FUT8: variants seen among roughly 807,000 people sequenced by gnomAD.
FUT8 encodes the protein alpha-(1,6)-fucosyltransferase.
FUT8 carries 29 observed loss-of-function variants against 71.3 expected under a neutral mutation model. The ratio of observed to expected loss-of-function variants is 0.41; its 90% confidence interval spans 0.30 to 0.55. FUT8 has a LOEUF of 0.55. Among genes scored for constraint, FUT8 ranks in the 20% least tolerant of loss-of-function variants. FUT8 has a pLI of 0.34. For synonymous variants in FUT8, 254 were observed against 239.3 expected, an observed-to-expected ratio of 1.06 and a Z score of -0.57; for missense variants, 544 against 702.1, an observed-to-expected ratio of 0.77 and a Z score of 2.55.
At chr14:65,514,710 TA>T (rs1882591136) in intron 2 of FUT8, among the ~76,000 whole-genome samples, 3 of 152,128 alleles carry the variant, frequency 2.0e-5, no homozygotes, top group East Asian at 1.9e-4. Context: ...TTTTTAAATT[TA>T]TTTTTTTATG....
rs114429722 is a variant in FUT8 at position 65,703,779 on chromosome 14, A to G, written c.836-17996A>G. 7.0e-3 allele frequency among the ~76,000 whole-genome samples: 1,063 copies of G among 152,348 alleles called. 12 individuals are homozygous for G. Among genetic ancestry groups the G allele is most frequent in the African/African-American group, 0.023 (949 of 41,582 alleles). On this transcript the variant is annotated intron_variant, in intron 7 of 10. Transcript: ENST00000673929. ...TTAGATTGGTGGAATTTATGATACTAGGGAGATTTGCTGCTCCAGTTCCTG... is the reference window on the plus strand; with the variant it reads ...TTAGATTGGTGGAATTTATGATACTGGGGAGATTTGCTGCTCCAGTTCCTG...
At chr14:65,733,449 T>G in intron 10 of FUT8, 68 bp downstream of exon 10, 1 of 1,194,572 alleles carries the variant, frequency 8.4e-7, no homozygotes, top group Middle Eastern at 2.0e-4. Context: ...GAAAAATTAT[T>G]TGTGTGTCTA....
At chr14:65,612,470 A>G (rs1183118765) in intron 3 of FUT8, among the ~76,000 whole-genome samples, 2 of 152,198 alleles carry the variant, frequency 1.3e-5, no homozygotes, top group Non-Finnish European at 2.9e-5. Context: ...TAATCCTTTT[A>G]GAGAGTTCTT....
chr14:65,729,030 A>G (rs1009432710), intron 9 of FUT8, among the ~76,000 whole-genome samples: 1 of 144,398 alleles, frequency 6.9e-6, no homozygotes, highest in African/African-American at 2.6e-5. Context: ...GTCATTGTAA[A>G]CATGTTTTTT....
intron 3 of FUT8, among the ~76,000 whole-genome samples, chr14:65,615,049 G>A (rs946081557): frequency 3.9e-5 from 6 of 152,142 alleles, no homozygotes; most frequent in Non-Finnish European, 2.9e-5. Flanking sequence ...ATTATTGACT[G>A]ATTGTTTTTG....
At chr14:65,576,728 T>G (rs1247034748) in intron 3 of FUT8, among the ~76,000 whole-genome samples, 1 of 105,412 alleles carries the variant, frequency 9.5e-6, no homozygotes, top group African/African-American at 3.8e-5. Flanking sequence ...TTTTTTTTTT[T>G]TTTTTTTTTG....
At chr14:65,658,248 C>T (rs972369517) in intron 6 of FUT8, among the ~76,000 whole-genome samples, 1 of 152,056 alleles carries the variant, frequency 6.6e-6, no homozygotes, top group Non-Finnish European at 1.5e-5. Flanking sequence ...ATGCAAAAGA[C>T]ATGATGAGAT....
intron 2 of FUT8, among the ~76,000 whole-genome samples, chr14:65,506,219 T>A (rs1278383384): frequency 6.6e-6 from 1 of 152,204 alleles, no homozygotes. Flanking sequence ...GAATTTTAAT[T>A]GGTATACTTT....
intron 5 of FUT8, among the ~76,000 whole-genome samples, chr14:65,628,279 G>T (rs1303398639): frequency 1.3e-5 from 2 of 152,284 alleles, no homozygotes; most frequent in East Asian, 3.9e-4. Context: ...GAGCCATATT[G>T]GGTGGGGTCT....
chr14:65,411,573 C>T (rs557921262), upstream of FUT8: 4 of 175,346 alleles, frequency 2.3e-5, no homozygotes, highest in African/African-American at 7.2e-5. Flanking sequence ...CTTAAATCTC[C>T]TTTCTGTGAT....
At chr14:65,586,384 A>G (rs572792433) in intron 3 of FUT8, among the ~76,000 whole-genome samples, 3 of 152,338 alleles carry the variant, frequency 2.0e-5, no homozygotes, top group East Asian at 3.9e-4. Flanking sequence ...TATAGATTCA[A>G]TAGGCAGGCA....
Position 65,455,651 on chromosome 14 carries a change from AC to A in FUT8, c.-292del, listed in dbSNP as rs1454715002. 4.3e-5 allele frequency: 17 copies of A among 398,234 alleles called. No homozygotes were observed. The highest frequency in any genetic ancestry group is 3.3e-4 in the African/African-American group (16 of 48,622). 24.7% of individuals were successfully genotyped at this position (398,234 alleles called of 1,614,324 possible). A position where few individuals can be genotyped will look rare whatever the true frequency, so the allele number is the denominator to read the frequency against. ...TGCTTTTGCTCAGAGGACATCCATGACCCTAATGGTCTTTTTGTTCAAGATA... is the reference window on the plus strand; with the variant it reads ...TGCTTTTGCTCAGAGGACATCCATGACCTAATGGTCTTTTTGTTCAAGATA... On this transcript the variant is annotated 5_prime_UTR_variant, in exon 2 of 11. An upstream open reading frame in the 5' UTR gains an earlier in-frame stop. Transcript: ENST00000673929.
At chr14:65,654,550 C>G (rs565293688) in intron 6 of FUT8, among the ~76,000 whole-genome samples, 1 of 151,524 alleles carries the variant, frequency 6.6e-6, no homozygotes, top group Admixed American at 6.6e-5. Context: ...GAGTTCGTGC[C>G]ACTACACTCC....
At chr14:65,376,096 A>G in the FUT8 span, among the ~76,000 whole-genome samples, 2 of 151,762 alleles carry the variant, frequency 1.3e-5, no homozygotes, top group Non-Finnish European at 2.9e-5. Context: ...GTCTCAAAAA[A>G]AAAAAAATAA....
intron 1 of FUT8, among the ~76,000 whole-genome samples, chr14:65,439,955 T>TGTGTGTGTGTAC (rs1555360997): frequency 2.0e-4 from 3 of 15,104 alleles, no homozygotes; most frequent in African/African-American, 7.1e-4. Flanking sequence ...TGTGTGTGTG[T>TGTGTGTGTGTAC]ATATATATAT....
intron 7 of FUT8, among the ~76,000 whole-genome samples, chr14:65,715,989 A>C (rs892647363): frequency 2.0e-5 from 3 of 151,776 alleles, no homozygotes; most frequent in African/African-American, 4.8e-5. Flanking sequence ...AAAAAAAAAA[A>C]CAACTTGATA....
the FUT8 span, among the ~76,000 whole-genome samples, chr14:65,372,567 C>G: frequency 5.8e-4 from 89 of 152,154 alleles, no homozygotes; most frequent in Non-Finnish European, 1.1e-3. Flanking sequence ...AGGCGCCCAC[C>G]ACCATGCCCG....
intron 7 of FUT8, among the ~76,000 whole-genome samples, chr14:65,695,206 C>T (rs1218337802): frequency 6.6e-6 from 1 of 152,154 alleles, no homozygotes; most frequent in African/African-American, 2.4e-5. Flanking sequence ...TCAACTGTGT[C>T]TTTACCAATA....
At chr14:65,636,665 G>C (rs1453314402) in intron 6 of FUT8, 1 of 152,166 alleles carries the variant, frequency 6.6e-6, no homozygotes, top group Admixed American at 6.6e-5. Flanking sequence ...AAAGGTTCCA[G>C]TTGGAGTTGA....
Sources: allele counts gnomAD v4.1 joint callset (sites outside exome capture counted in the v4.1 genomes callset), GRCh38; gene constraint gnomAD v4.1.1; transcripts MANE v1.5; gene names NCBI Gene and HGNC (gene_info 2026-07-23, HGNC 2026-07-21).